Variants in ZNF425 observed in about 807,000 individuals in gnomAD.
ZNF425 encodes zinc finger protein 425.
ZNF425 carries 21 observed loss-of-function variants against 17.0 expected under a neutral mutation model. That is an observed-to-expected ratio of 1.23 (90% CI 0.88 to 1.78). The LOEUF is 1.78. Ranked by LOEUF, ZNF425 falls within the 40% of genes most tolerant of loss-of-function variation. ZNF425 has a pLI of 0.00. For synonymous variants in ZNF425, 433 were observed against 384.1 expected, an observed-to-expected ratio of 1.13 and a Z score of -1.49; for missense variants, 868 against 967.3, an observed-to-expected ratio of 0.90 and a Z score of 1.36.
intron 1 of ZNF425, among the ~76,000 whole-genome samples, chr7:149,120,861 G>C (rs1282406324): frequency 6.6e-6 from 1 of 152,080 alleles, no homozygotes; most frequent in African/African-American, 2.4e-5. Context: ...AGTTTGATTA[G>C]CCATTCACCT....
At chr7:149,109,664 T>G (rs1292561262) in intron 3 of ZNF425, among the ~76,000 whole-genome samples, 1 of 152,180 alleles carries the variant, frequency 6.6e-6, no homozygotes, top group Non-Finnish European at 1.5e-5. Context: ...TATAATTGGC[T>G]AACTTAATTG....
Position 149,126,270 on chromosome 7 carries a change from A to G in ZNF425, c.-57T>C. 1 of 1,591,116 alleles carries G rather than the reference A, an allele frequency of 6.3e-7. No individual in the cohort carries two copies. The highest frequency in any genetic ancestry group is 8.5e-7 in the Non-Finnish European group (1 of 1,169,618). ...ACGGCCTCCCCTCCGCTCCGCCCCAACCCAACTCCCAGGTACAGCCCTGCT... is the reference window on the plus strand; with the variant it reads ...ACGGCCTCCCCTCCGCTCCGCCCCAGCCCAACTCCCAGGTACAGCCCTGCT... On this transcript the variant is annotated 5_prime_UTR_variant, in exon 1 of 4. Transcript: ENST00000378061.
At chr7:149,125,280 A>C (rs753938356) in intron 1 of ZNF425, among the ~76,000 whole-genome samples, 2 of 152,226 alleles carry the variant, frequency 1.3e-5, no homozygotes, top group Non-Finnish European at 2.9e-5. Context: ...AGTTATACTT[A>C]ACTGAATGTA....
At chr7:149,110,733 G>A (rs1826160752) in intron 3 of ZNF425, among the ~76,000 whole-genome samples, 1 of 151,390 alleles carries the variant, frequency 6.6e-6, no homozygotes, top group East Asian at 1.9e-4. Context: ...TATTCAAATG[G>A]ACATGACAGT....
rs1174450021 is a variant in ZNF425, at chr7:149,123,645, T to C, written c.18+2551A>G. Among the ~76,000 whole-genome samples, 6 of 151,818 alleles carry C rather than the reference T, an allele frequency of 4.0e-5. 1 individual carries two copies. The East Asian group carries it at 1.2e-3, about 29-fold the overall frequency. The stretch of plus-strand genomic sequence containing the variant: ...CTCCCAGGTTCAAGAGATTCTTCTG[T>C]CTCAGCCTCCCGAGTAGTTGGGTTT... On this transcript the variant is annotated intron_variant, in intron 1 of 3. Coordinates refer to ENST00000378061, the MANE Select transcript of ZNF425 (RefSeq NM_001001661.3).
chr7:149,126,136 C>T lies in ZNF425; in HGVS notation c.18+60G>A, dbSNP rs763554604. ...CCACTCCCTGGACGCGGACCCCAAT[C>T]CAGCTGCGACAGGGACCCGAGTTTC... is the stretch of plus-strand genomic sequence containing the variant. On this transcript the variant is annotated intron_variant, in intron 1 of 3. Coordinates refer to ENST00000378061, the MANE Select transcript of ZNF425 (RefSeq NM_001001661.3). 7.4e-6 allele frequency: 12 copies of T among 1,611,204 alleles called. No homozygotes were observed. The South Asian group carries it at 1.1e-4, about 15-fold the overall frequency.
chr7:149,117,235 G>A (rs1585489016), intron 2 of ZNF425, among the ~76,000 whole-genome samples: 2 of 147,586 alleles, frequency 1.4e-5, no homozygotes, highest in African/African-American at 4.9e-5. Context: ...CTGCACTCCA[G>A]TATGGACTCC....
Position 149,103,937 on chromosome 7 carries a change from T to C in ZNF425, c.1934A>G (p.Lys645Arg). 1 of 1,614,000 alleles carries C rather than the reference T, an allele frequency of 6.2e-7. No individual in the cohort carries two copies. The change falls in exon 4 of 4, where the codon AAA becomes AGA. Residue 645 changes from lysine to arginine, a missense_variant. This residue lies in a region of ZNF425 where 437 missense variants were observed against 444.2 expected (regional missense o/e 0.98). Transcript: ENST00000378061. ...GAGCCGGTACTGTTGAGTGAAACTT[T>C]TGCCGCACATCACACAAGAGAATGG... ...QKPFSCVMCG[K>R]SFTQQYRLTE...
At position 149,104,976 on chromosome 7, in the gene ZNF425, C is replaced by T. The variant is rs1826055041; in HGVS notation, c.895G>A (p.Glu299Lys). 6.2e-7 allele frequency: 1 copy of T among 1,614,044 alleles called. No homozygotes were observed. The highest frequency in any genetic ancestry group is 1.7e-5 in the Admixed American group (1 of 60,002). ...LKKHLCLHRG[E>K]RPFCCGECGR... ...CACTCCCCGCAGCAGAACGGCCGCTCCCCGCGGTGTAGACACAGGTGCTTC... is the reference window on the plus strand; with the variant it reads ...CACTCCCCGCAGCAGAACGGCCGCTTCCCGCGGTGTAGACACAGGTGCTTC... Residue 299 changes from glutamate (E) to lysine (K), a missense_variant, in exon 4 of 4, where the codon GAG becomes AAG. Around this residue, in one of 5 missense-constraint regions of ZNF425, gnomAD observed 243 missense variants for 265.2 expected, o/e 0.92. Coordinates refer to ENST00000378061, the MANE Select transcript of ZNF425 (RefSeq NM_001001661.3). This position sits in a 1 kb window ranked among gnomAD's most constrained non-coding sequence, Gnocchi z 4.3.
At chr7:149,115,156 G>C (rs1387744727) in intron 2 of ZNF425, among the ~76,000 whole-genome samples, 5 of 145,446 alleles carry the variant, frequency 3.4e-5, no homozygotes, top group Non-Finnish European at 7.5e-5. Flanking sequence ...CACTATGTTG[G>C]CCAGGCTGGT....
intron 1 of ZNF425, among the ~76,000 whole-genome samples, chr7:149,125,348 C>T (rs565704200): frequency 3.5e-4 from 54 of 152,256 alleles, no homozygotes; most frequent in Non-Finnish European, 6.9e-4. Context: ...AACCGGTGCT[C>T]AAATTTTCAA....
intron 1 of ZNF425, among the ~76,000 whole-genome samples, chr7:149,122,144 G>A (rs1344979396): frequency 6.6e-6 from 1 of 150,810 alleles, no homozygotes; most frequent in Non-Finnish European, 1.5e-5. Context: ...TGTTAGCCAG[G>A]ATGGTCTCGA....
Position 149,104,945 on chromosome 7 carries a change from C to T in ZNF425, c.926G>A (p.Arg309Gln), listed in dbSNP as rs1222608255. 2 of 1,613,876 alleles carry T rather than the reference C, an allele frequency of 1.2e-6. No homozygotes were observed. The highest frequency in any genetic ancestry group is 1.3e-5 in the African/African-American group (1 of 75,058). Residue 309 changes from arginine (R) to glutamine (Q), a missense_variant, in exon 4 of 4, where the codon CGG (arginine) becomes CAG (glutamine). Physicochemically the swap from Arg to Gln is conservative, Grantham distance 43. Transcript: ENST00000378061. This position sits in a 1 kb window ranked among gnomAD's most constrained non-coding sequence, Gnocchi z 4.3. Reference sequence around the variant, plus strand: ...GAGCTCGCACTGCTGCACGAAGGCCCGGCCGCACTCCCCGCAGCAGAACGG... The same window carrying T: ...GAGCTCGCACTGCTGCACGAAGGCCTGGCCGCACTCCCCGCAGCAGAACGG... ...ERPFCCGECG[R>Q]AFVQQCELTE...
chr7:149,109,836 A>G (rs1381078731), intron 3 of ZNF425, among the ~76,000 whole-genome samples: 1 of 152,040 alleles, frequency 6.6e-6, no homozygotes, highest in East Asian at 1.9e-4. Flanking sequence ...AGACAGTGTC[A>G]ATGAAATGAA....
chr7:149,110,796 CTTT>C (rs71192754), intron 3 of ZNF425, among the ~76,000 whole-genome samples: 4 of 133,232 alleles, frequency 3.0e-5, no homozygotes, highest in Non-Finnish European at 6.3e-5. Context: ...ATCCCTTGTT[CTTT>C]TTTTTTTTTT....
chr7:149,118,989 C>T (rs10435245), intron 1 of ZNF425, among the ~76,000 whole-genome samples: 1 of 151,906 alleles, frequency 6.6e-6, no homozygotes, highest in Non-Finnish European at 1.5e-5. Context: ...AATAATTATA[C>T]ATTCACAAGA....
At chr7:149,108,807 G>A (rs999017519) in intron 3 of ZNF425, among the ~76,000 whole-genome samples, 12 of 152,048 alleles carry the variant, frequency 7.9e-5, no homozygotes, top group African/African-American at 2.7e-4. Flanking sequence ...CAGGGGAATC[G>A]TTTGAATCCG....
rs760226117 is a variant in ZNF425 at position 149,105,184 on chromosome 7, C to A, written c.687G>T (p.Gly229=). ...RYPKYKNSSR[G]KSELRRTQRL... is the part of the protein sequence containing the mutation. ...TCTGCGTCCGCCTGAGTTCGGACTT[C>A]CCTCTGGACGAGTTTTTGTACTTTG... Residue 229 remains glycine, a synonymous_variant, in exon 4 of 4, where the codon GGG becomes GGT. Coordinates refer to ENST00000378061, the MANE Select transcript of ZNF425 (RefSeq NM_001001661.3). 1.5e-5 allele frequency: 24 copies of A among 1,614,086 alleles called. No homozygotes were observed. Among genetic ancestry groups the A allele is most frequent in the Non-Finnish European group, 1.7e-6 (2 of 1,180,048 alleles).
intron 3 of ZNF425, among the ~76,000 whole-genome samples, chr7:149,107,282 C>A (rs1311098741): frequency 6.6e-6 from 1 of 151,180 alleles, no homozygotes; most frequent in African/African-American, 2.4e-5. Context: ...AATTTTTTTC[C>A]TTTTCCAAAA....
Sources: gnomAD v4.1 joint callset for allele counts (sites outside exome capture counted in the v4.1 genomes callset) on GRCh38, gnomAD v4.1.1 for gene constraint, gnomAD v4.1.1 regional missense constraint, Gnocchi (gnomAD v3.1) non-coding constraint, MANE v1.5 for transcripts, NCBI Gene and HGNC (gene_info 2026-07-23, HGNC 2026-07-21) for gene names.